Variants in EEFSEC observed in about 807,000 individuals in gnomAD.
EEFSEC encodes eukaryotic elongation factor, selenocysteine-tRNA specific, also known as selenocysteine-specific elongation factor.
In EEFSEC, 43 loss-of-function variants were observed where a neutral mutation model predicts 42.1. That is an observed-to-expected ratio of 1.02 (90% CI 0.80 to 1.32). EEFSEC has a LOEUF of 1.32. Among genes scored for constraint, EEFSEC ranks in the 40% most tolerant of loss-of-function variants. EEFSEC has a pLI of 0.00. For missense variants in EEFSEC, 745 were observed against 803.6 expected, an observed-to-expected ratio of 0.93 and a Z score of 0.88; for synonymous variants, 354 against 339.1, an observed-to-expected ratio of 1.04 and a Z score of -0.48.
At chr3:128,266,646 CATATCCA>C (rs2066357470) in intron 4 of EEFSEC, among the ~76,000 whole-genome samples, 1 of 150,564 alleles carries the variant, frequency 6.6e-6, no homozygotes, top group Non-Finnish European at 1.5e-5. Context: ...AGGGCCCCAC[CATATCCA>C]AGGAGCCCTG....
intron 4 of EEFSEC, among the ~76,000 whole-genome samples, chr3:128,278,176 T>G (rs1255967189): frequency 1.3e-5 from 2 of 152,160 alleles, no homozygotes; most frequent in Non-Finnish European, 2.9e-5. Context: ...GAGAACAGAT[T>G]TGAGGGGAGC....
intron 5 of EEFSEC, among the ~76,000 whole-genome samples, chr3:128,346,004 G>A (rs551066129): frequency 3.9e-5 from 6 of 152,348 alleles, no homozygotes; most frequent in African/African-American, 1.4e-4. Context: ...GAAAATAACA[G>A]CGTGATGTAA....
At chr3:128,154,744 C>T (rs188085529) in intron 1 of EEFSEC, among the ~76,000 whole-genome samples, 26 of 152,242 alleles carry the variant, frequency 1.7e-4, no homozygotes, top group African/African-American at 5.3e-4. Context: ...CCACCACGTC[C>T]GGCCTGTACC....
intron 4 of EEFSEC, among the ~76,000 whole-genome samples, chr3:128,310,303 G>T (rs1279669825): frequency 6.6e-6 from 1 of 152,186 alleles, no homozygotes; most frequent in Non-Finnish European, 1.5e-5. Context: ...TTTCCCTCTG[G>T]AAGCAAGGGG....
At chr3:128,412,728 G>C (rs770254266), downstream of EEFSEC, among the ~76,000 whole-genome samples, 1 of 152,206 alleles carries the variant, frequency 6.6e-6, no homozygotes, top group Non-Finnish European at 1.5e-5. Flanking sequence ...CTGATAACGG[G>C]GTTGAGCCAT....
chr3:128,280,185 A>T (rs1232541389), intron 4 of EEFSEC, among the ~76,000 whole-genome samples: 1 of 152,188 alleles, frequency 6.6e-6, no homozygotes, highest in Non-Finnish European at 1.5e-5. Flanking sequence ...TGCATCAAAA[A>T]ATCTGGAAGG....
chr3:128,231,076 T>C (rs2065954908), intron 1 of EEFSEC, among the ~76,000 whole-genome samples: 1 of 151,722 alleles, frequency 6.6e-6, no homozygotes, highest in Non-Finnish European at 1.5e-5. Flanking sequence ...CTCCCCTCCA[T>C]CCCCTCTCTC....
At position 128,252,640 on chromosome 3, in the gene EEFSEC, A is replaced by G. The variant is rs549934809; in HGVS notation, c.524+5597A>G. ...GGCTGTTTTGAATCTACTATCCCAA[A>G]GGTAAAATTTATTTATACTCTATTT... On this transcript the variant is annotated intron_variant, in intron 2 of 6. Transcript: ENST00000254730. Among the ~76,000 whole-genome samples the G allele has an allele frequency of 1.0e-4, 15 of 148,646 alleles. No individual in the cohort carries two copies. In the South Asian group the frequency reaches 3.3e-3, roughly 32 times the overall value.
intron 2 of EEFSEC, among the ~76,000 whole-genome samples, chr3:128,254,042 G>A (rs2066216451): frequency 6.6e-6 from 1 of 152,256 alleles, no homozygotes; most frequent in South Asian, 2.1e-4. Context: ...TTAAAGGCCA[G>A]TTGAATTAAG....
intron 1 of EEFSEC, among the ~76,000 whole-genome samples, chr3:128,243,870 C>T (rs2066099696): frequency 6.6e-6 from 1 of 152,212 alleles, no homozygotes; most frequent in African/African-American, 2.4e-5. Context: ...GGGTTCAGAT[C>T]TCTTCTCTGC....
At chr3:128,158,702 A>T (rs557991572) in intron 1 of EEFSEC, among the ~76,000 whole-genome samples, 2 of 152,246 alleles carry the variant, frequency 1.3e-5, no homozygotes, top group Non-Finnish European at 2.9e-5. Flanking sequence ...TCATGTAAAC[A>T]TAACTTTTAT....
At chr3:128,170,137 C>G (rs1011185384) in intron 1 of EEFSEC, among the ~76,000 whole-genome samples, 8 of 152,034 alleles carry the variant, frequency 5.3e-5, no homozygotes, top group Non-Finnish European at 2.9e-5. Flanking sequence ...CCTCACCCCC[C>G]GCCCCGCCTC....
chr3:128,272,569 G>T, intron 4 of EEFSEC, among the ~76,000 whole-genome samples: 1 of 152,180 alleles, frequency 6.6e-6, no homozygotes. Flanking sequence ...AGAACTTCGT[G>T]TATTGTGAGA....
chr3:128,370,567 G>C (rs2067641876), intron 6 of EEFSEC, among the ~76,000 whole-genome samples: 1 of 152,176 alleles, frequency 6.6e-6, no homozygotes, highest in Admixed American at 6.5e-5. Context: ...ATGGGGCTAA[G>C]CCAGGGCCTG....
At chr3:128,382,325 G>A (rs542653311) in intron 6 of EEFSEC, among the ~76,000 whole-genome samples, 19 of 152,362 alleles carry the variant, frequency 1.2e-4, no homozygotes, top group South Asian at 1.0e-3. Context: ...AGCAGGGAGC[G>A]TGCAGGGAGA....
chr3:128,308,643 T>C (rs75402015), intron 4 of EEFSEC, among the ~76,000 whole-genome samples: 4,703 of 152,262 alleles, frequency 0.031, 228 homozygotes, highest in African/African-American at 0.1. Context: ...TTATGAAGAA[T>C]CCCCACAAAT....
intron 5 of EEFSEC, among the ~76,000 whole-genome samples, chr3:128,343,271 G>A (rs931843351): frequency 1.3e-5 from 2 of 152,096 alleles, no homozygotes; most frequent in African/African-American, 2.4e-5. Flanking sequence ...TGGTTTTCTC[G>A]TCTGGAATTC....
chr3:128,246,682 G>T (rs1253460579), intron 1 of EEFSEC, among the ~76,000 whole-genome samples, 154 bp from the exon 2 acceptor site: 2 of 152,200 alleles, frequency 1.3e-5, no homozygotes, highest in African/African-American at 4.8e-5. Context: ...AGGTCCAAGT[G>T]CCTAGCACAG....
chr3:128,389,753 C>G (rs983109035), intron 6 of EEFSEC, among the ~76,000 whole-genome samples: 1 of 152,244 alleles, frequency 6.6e-6, no homozygotes, highest in African/African-American at 2.4e-5. Flanking sequence ...GGCTTAACGC[C>G]GAGAGCCTCA....
Sources: gnomAD v4.1 joint callset for allele counts (sites outside exome capture counted in the v4.1 genomes callset) on GRCh38, gnomAD v4.1.1 for gene constraint, MANE v1.5 for transcripts, NCBI Gene and HGNC (gene_info 2026-07-23, HGNC 2026-07-21) for gene names.